ERC1: variants seen among roughly 807,000 people sequenced by gnomAD.
The protein encoded by ERC1 is RAB6 interacting protein 2.
A neutral mutation model predicts 132.0 loss-of-function variants in ERC1; 56 were observed. That is an observed-to-expected ratio of 0.42 (90% CI 0.34 to 0.53). ERC1 has a LOEUF of 0.53. Ranked by LOEUF, ERC1 falls within the 20% of genes least tolerant of loss-of-function variation. The probability of loss-of-function intolerance (pLI) is 0.03; values close to 1 mark genes in which losing one functional copy is unlikely to be tolerated. For synonymous variants in ERC1, 478 were observed against 476.1 expected, an observed-to-expected ratio of 1.00 and a Z score of -0.05; for missense variants, 1,202 against 1,349.9, an observed-to-expected ratio of 0.89 and a Z score of 1.72.
intron 12 of ERC1, among the ~76,000 whole-genome samples, chr12:1,217,908 C>CCA (rs1354197020): frequency 7.9e-5 from 12 of 152,216 alleles, no homozygotes; most frequent in Non-Finnish European, 1.8e-4. Context: ...CTGCCCTGAG[C>CCA]AGCTTTATGT....
intron 18 of ERC1, among the ~76,000 whole-genome samples, chr12:1,476,060 G>A (rs984826418): frequency 1.3e-5 from 2 of 151,694 alleles, no homozygotes; most frequent in Non-Finnish European, 2.9e-5. Context: ...TCAGGAGATC[G>A]AGACCATCCT....
intron 18 of ERC1, among the ~76,000 whole-genome samples, chr12:1,479,816 C>G (rs541367625): frequency 6.6e-6 from 1 of 152,234 alleles, no homozygotes; most frequent in African/African-American, 2.4e-5. Context: ...GGTGGGGTCA[C>G]TCTGAGGCAG....
chr12:1,094,022 ATT>A (rs35812412), intron 3 of ERC1, among the ~76,000 whole-genome samples: 16 of 120,316 alleles, frequency 1.3e-4, no homozygotes, highest in Admixed American at 4.7e-4. Flanking sequence ...TTAAAAAGAA[ATT>A]TTTTTTTTTT....
intron 2 of ERC1, among the ~76,000 whole-genome samples, chr12:1,038,368 C>CT (rs139382077): frequency 0.16 from 23,282 of 146,834 alleles, 2,101 homozygotes; most frequent in Middle Eastern, 0.21. Context: ...ATAGTTTTTT[C>CT]TTTTTTTTTT....
chr12:1,378,803 T>C lies in ERC1; in HGVS notation c.2925+6826T>C, dbSNP rs2088256028. Among the ~76,000 whole-genome samples the C allele has an allele frequency of 2.6e-5, 4 of 152,208 alleles. No individual in the cohort carries two copies. In the South Asian group the frequency reaches 8.3e-4, roughly 32 times the overall value. On this transcript the variant is annotated intron_variant, in intron 16 of 18. Coordinates refer to ENST00000360905, the MANE Select transcript of ERC1 (RefSeq NM_178040.4). ...GTTAAGACTTAAAATTTAAGGAATA[T>C]GAGGGTAGAGTGTACCTTGTTGACT...
intron 15 of ERC1, among the ~76,000 whole-genome samples, chr12:1,329,508 ATATT>A (rs1291585931): frequency 1.3e-5 from 2 of 151,550 alleles, no homozygotes; most frequent in African/African-American, 4.9e-5. Flanking sequence ...TTCCATGTAT[ATATT>A]CTGAAAGCCT....
intron 14 of ERC1, among the ~76,000 whole-genome samples, chr12:1,266,395 T>C (rs2077484942): frequency 1.8e-5 from 1 of 55,618 alleles, no homozygotes; most frequent in African/African-American, 7.2e-5. Flanking sequence ...TCCTGTCTTT[T>C]TTTTTTTTTT....
At chr12:1,227,156 T>G (rs138586213) in intron 12 of ERC1, among the ~76,000 whole-genome samples, 2 of 152,306 alleles carry the variant, frequency 1.3e-5, no homozygotes, top group Non-Finnish European at 2.9e-5. Context: ...AGAAGTGACA[T>G]TGCTGAGTCA....
chr12:1,004,004 A>C (rs1962976280), intron 1 of ERC1, among the ~76,000 whole-genome samples: 1 of 152,218 alleles, frequency 6.6e-6, no homozygotes, highest in South Asian at 2.1e-4. Flanking sequence ...GTCAGAACCC[A>C]GGATGCCATG....
intron 12 of ERC1, among the ~76,000 whole-genome samples, chr12:1,221,339 T>C (rs1958964015): frequency 6.6e-6 from 1 of 152,222 alleles, no homozygotes; most frequent in Non-Finnish European, 1.5e-5. Context: ...TATGGAGTTG[T>C]ATAAAATCGG....
intron 8 of ERC1, among the ~76,000 whole-genome samples, chr12:1,148,221 A>G (rs891944203): frequency 3.9e-5 from 6 of 152,228 alleles, no homozygotes; most frequent in African/African-American, 1.2e-4. Flanking sequence ...ACTGCTATAA[A>G]GATACTACCT....
At chr12:1,130,816 T>C (rs1183066529) in intron 7 of ERC1, among the ~76,000 whole-genome samples, 2 of 152,184 alleles carry the variant, frequency 1.3e-5, no homozygotes, top group African/African-American at 4.8e-5. Context: ...GTCCCATGGC[T>C]CAGTGCCCTT....
At chr12:1,178,113 T>G (rs1373475255) in intron 8 of ERC1, among the ~76,000 whole-genome samples, 2 of 152,226 alleles carry the variant, frequency 1.3e-5, no homozygotes, top group East Asian at 3.8e-4. Context: ...TTCAGCATAT[T>G]CACATACCCT....
chr12:1,142,600 G>A (rs1484038947), intron 8 of ERC1, among the ~76,000 whole-genome samples: 2 of 152,144 alleles, frequency 1.3e-5, no homozygotes. Flanking sequence ...TCTACTATCC[G>A]TGATGAAAGT....
At chr12:997,807 G>A (rs925667036) in intron 1 of ERC1, among the ~76,000 whole-genome samples, 10 of 152,314 alleles carry the variant, frequency 6.6e-5, no homozygotes, top group African/African-American at 2.4e-4. Flanking sequence ...GGAAGAGACT[G>A]AGTAGCTTTC....
chr12:1,440,413 A>C (rs192000965), intron 17 of ERC1, among the ~76,000 whole-genome samples: 16 of 148,976 alleles, frequency 1.1e-4, no homozygotes, highest in East Asian at 3.9e-4. Flanking sequence ...TCACCGTGTT[A>C]GCCAGGATGG....
intron 8 of ERC1, among the ~76,000 whole-genome samples, chr12:1,157,968 C>T (rs918434198): frequency 3.3e-5 from 5 of 152,078 alleles, no homozygotes; most frequent in Non-Finnish European, 4.4e-5. Flanking sequence ...TAACACACTA[C>T]CTGGGAGGAA....
chr12:1,246,890 A>G lies in ERC1; in HGVS notation c.2487+9986A>G, dbSNP rs146852491. Among the ~76,000 whole-genome samples the G allele has an allele frequency of 1.6e-3, 251 of 152,354 alleles. 1 individual carries two copies. The highest frequency in any genetic ancestry group is 6.8e-3 in the Middle Eastern group (2 of 294). ...GATGATGAAAGACAAGGAAAGACTG[A>G]GCAGTTACAGATGTATTCGAGGGGA... On this transcript the variant is annotated intron_variant, in intron 13 of 18. Transcript: ENST00000360905.
chr12:1,063,949 G>A (rs1938568929), intron 2 of ERC1, among the ~76,000 whole-genome samples: 1 of 152,144 alleles, frequency 6.6e-6, no homozygotes, highest in Non-Finnish European at 1.5e-5. Flanking sequence ...ACTCTCTTCA[G>A]CATTTTGTAT....
Sources: allele counts gnomAD v4.1 joint callset (sites outside exome capture counted in the v4.1 genomes callset), GRCh38; gene constraint gnomAD v4.1.1; transcripts MANE v1.5; gene names NCBI Gene and HGNC (gene_info 2026-07-23, HGNC 2026-07-21).